Variants in RALGAPA1 observed in about 807,000 individuals in gnomAD.
The protein encoded by RALGAPA1 is Ral GTPase activating protein catalytic subunit alpha 1.
In RALGAPA1, 52 loss-of-function variants were observed where a neutral mutation model predicts 269.6. The ratio of observed to expected loss-of-function variants is 0.19; its 90% confidence interval spans 0.15 to 0.24. The LOEUF is 0.24. Ranked by LOEUF, RALGAPA1 falls within the 10% of genes least tolerant of loss-of-function variation. RALGAPA1 has a pLI of 1.00. For missense variants in RALGAPA1, 1,917 were observed against 3,013.9 expected, an observed-to-expected ratio of 0.64 and a Z score of 8.52; for synonymous variants, 817 against 1,008.3, an observed-to-expected ratio of 0.81 and a Z score of 3.60.
intron 27 of RALGAPA1, among the ~76,000 whole-genome samples, chr14:35,659,777 C>T (rs78617669): frequency 0.01 from 1,574 of 151,860 alleles, 29 homozygotes; most frequent in Admixed American, 0.034. Context: ...AGGTCACATG[C>T]CATAATTAAG....
chr14:35,698,729 T>C (rs926786213), intron 17 of RALGAPA1, among the ~76,000 whole-genome samples: 2 of 152,008 alleles, frequency 1.3e-5, no homozygotes, highest in African/African-American at 4.8e-5. Context: ...AAACTCAGAG[T>C]TTCTTTTAGC....
At chr14:35,775,247 A>G (rs556603717) in intron 2 of RALGAPA1, among the ~76,000 whole-genome samples, 192 bp from the exon 3 acceptor site, 2 of 152,274 alleles carry the variant, frequency 1.3e-5, no homozygotes, top group East Asian at 3.9e-4. Context: ...AATTAAATTT[A>G]GGTTCCACAT....
At chr14:35,615,181 T>C (rs1033677880) in intron 35 of RALGAPA1, among the ~76,000 whole-genome samples, 12 of 152,198 alleles carry the variant, frequency 7.9e-5, no homozygotes, top group African/African-American at 2.9e-4. Flanking sequence ...TGTATAGTAC[T>C]GGCAAAATAT....
chr14:35,666,017 C>CT (rs60498434), intron 26 of RALGAPA1, among the ~76,000 whole-genome samples: 202 of 144,396 alleles, frequency 1.4e-3, no homozygotes, highest in Middle Eastern at 3.6e-3. Context: ...GTGTTTCCTC[C>CT]TTTTTTTTTT....
In RALGAPA1 at chr14:35,629,834, T is replaced by C. The variant is rs918408778; in HGVS notation, c.5996-1883A>G. Among the ~76,000 whole-genome samples the C allele has an allele frequency of 2.0e-5, 3 of 152,234 alleles. No individual in the cohort carries two copies. The East Asian group carries it at 5.8e-4, about 29-fold the overall frequency. On this transcript the variant is annotated intron_variant, in intron 33 of 41. Coordinates refer to ENST00000680220, the MANE Select transcript of RALGAPA1 (RefSeq NM_001346249.2). ...TTAAGAATGTTCTGATTTACATACATGCCCAATTTTATGTGTTTAGTTTGA... is the reference window on the plus strand; with the variant it reads ...TTAAGAATGTTCTGATTTACATACACGCCCAATTTTATGTGTTTAGTTTGA...
chr14:35,685,206 A>G (rs2065815326), intron 19 of RALGAPA1, 61 bp from the exon 20 acceptor site: 1 of 1,422,962 alleles, frequency 7.0e-7, no homozygotes, highest in South Asian at 1.3e-5. Context: ...TAACCATCTG[A>G]AACCTTTAAT....
At chr14:35,667,279 T>C (rs926558853) in intron 26 of RALGAPA1, among the ~76,000 whole-genome samples, 1 of 152,040 alleles carries the variant, frequency 6.6e-6, no homozygotes, top group Non-Finnish European at 1.5e-5. Flanking sequence ...GCACCTGTAG[T>C]CCCAGCTACT....
intron 36 of RALGAPA1, among the ~76,000 whole-genome samples, chr14:35,601,291 G>T (rs1223102176): frequency 6.6e-6 from 1 of 152,164 alleles, no homozygotes; most frequent in Non-Finnish European, 1.5e-5. Context: ...TGACTCTTGG[G>T]TGTGAATGGG....
chr14:35,542,560 A>G (rs1472436962), intron 41 of RALGAPA1: 2 of 152,236 alleles, frequency 1.3e-5, no homozygotes, highest in Non-Finnish European at 2.9e-5. Flanking sequence ...TATATTCAAC[A>G]TTCCCAAACT....
At chr14:35,753,138 T>C (rs893662767) in intron 7 of RALGAPA1, among the ~76,000 whole-genome samples, 3 of 152,124 alleles carry the variant, frequency 2.0e-5, no homozygotes, top group Non-Finnish European at 2.9e-5. Context: ...TTGGAACATC[T>C]TGTGGTGCCA....
chr14:35,629,280 GGGGTGTGT>G (rs2061181288), intron 33 of RALGAPA1, among the ~76,000 whole-genome samples: 2 of 75,714 alleles, frequency 2.6e-5, no homozygotes, highest in Admixed American at 1.6e-4. Flanking sequence ...GGATGTTTAG[GGGGTGTGT>G]GTGTGTGTGT....
In RALGAPA1 at chr14:35,689,535, G is replaced by A. The variant is rs1376981796; in HGVS notation, c.2876C>T (p.Thr959Ile). Residue 959 changes from threonine to isoleucine, a missense_variant, in exon 18 of 42, where the codon ACA becomes ATA. Thr to Ile is a moderately conservative substitution (Grantham distance 89). Transcript: ENST00000680220. ...ENQENHSKNE[T>I]GKDPASQEVT... ...TTCCTGAGAAGCTGGGTCTTTCCCT[G>A]TCTCATTTTTACTATGATTTTCCTG... is the stretch of plus-strand genomic sequence containing the variant. 5.6e-6 allele frequency: 7 copies of A among 1,241,394 alleles called. No individual in the cohort carries two copies. Among genetic ancestry groups the A allele is most frequent in the Non-Finnish European group, 6.0e-6 (6 of 994,500 alleles). 76.9% of individuals were successfully genotyped at this position (1,241,394 alleles called of 1,614,324 possible).
At chr14:35,706,935 A>G (rs1055346691) in intron 16 of RALGAPA1, 6 of 152,250 alleles carry the variant, frequency 3.9e-5, no homozygotes, top group African/African-American at 1.4e-4. Flanking sequence ...TAAGTAGGGA[A>G]AAAATGACAT....
In RALGAPA1 at chr14:35,808,942, A is replaced by C; in HGVS notation, c.-107T>G. 6.7e-7 allele frequency: 1 copy of C among 1,491,252 alleles called. No homozygotes were observed. The highest frequency in any genetic ancestry group is 8.9e-7 in the Non-Finnish European group (1 of 1,122,308). 92.4% of individuals were successfully genotyped at this position (1,491,252 alleles called of 1,614,324 possible). On this transcript the variant is annotated 5_prime_UTR_variant, in exon 1 of 42. An upstream start codon of the reference 5' UTR is lost. Coordinates refer to ENST00000680220, the MANE Select transcript of RALGAPA1 (RefSeq NM_001346249.2). ...GGGAGGAGACTAGCCAGAGAGGCTC[A>C]TTAGCTCCCCAGCCTTGCGGGCCAG...
rs2062692210 is a variant in RALGAPA1 at position 35,649,795 on chromosome 14, T to A, written c.5676+2010A>T. ...ATTATATTGTGTTGCCTCATTTGTG[T>A]CTCTAATTTTTAAATTCCATGAGAA... On this transcript the variant is annotated intron_variant, in intron 31 of 41. Transcript: ENST00000680220. Among the ~76,000 whole-genome samples, 4 of 152,206 alleles carry A rather than the reference T, an allele frequency of 2.6e-5. 1 individual carries two copies. In the South Asian group the frequency reaches 8.3e-4, roughly 32 times the overall value.
chr14:35,542,608 AT>A (rs778342512), intron 41 of RALGAPA1: 2 of 152,236 alleles, frequency 1.3e-5, no homozygotes, highest in Non-Finnish European at 2.9e-5. Context: ...TCAATTTTAG[AT>A]GTAAAAAATG....
chr14:35,623,709 T>A (rs1021446332), intron 35 of RALGAPA1, among the ~76,000 whole-genome samples: 1 of 152,210 alleles, frequency 6.6e-6, no homozygotes, highest in African/African-American at 2.4e-5. Context: ...AATAATTCTA[T>A]TCCTGGGACT....
intron 22 of RALGAPA1, among the ~76,000 whole-genome samples, chr14:35,675,897 C>T (rs1358936804): frequency 6.6e-6 from 1 of 152,140 alleles, no homozygotes; most frequent in East Asian, 1.9e-4. Flanking sequence ...ATAATCACTT[C>T]TTAGTACATG....
At chr14:35,638,725 G>A (rs927040833) in intron 31 of RALGAPA1, among the ~76,000 whole-genome samples, 17 of 152,204 alleles carry the variant, frequency 1.1e-4, no homozygotes, top group African/African-American at 3.9e-4. Context: ...ACGAGTTTGA[G>A]ACCAGCCTGG....
Sources: gnomAD v4.1 joint callset for allele counts (sites outside exome capture counted in the v4.1 genomes callset) on GRCh38, gnomAD v4.1.1 for gene constraint, MANE v1.5 for transcripts, NCBI Gene and HGNC (gene_info 2026-07-23, HGNC 2026-07-21) for gene names.